The following MAPRE1 variants were observed in gnomAD, a reference collection of about 807,000 sequenced individuals.
MAPRE1 encodes the protein microtubule associated protein RP/EB family member 1.
A neutral mutation model predicts 32.1 loss-of-function variants in MAPRE1; 5 were observed. That is an observed-to-expected ratio of 0.16 (90% CI 0.08 to 0.33). The LOEUF is 0.33. MAPRE1 is among the 10% of genes least tolerant of loss of function. MAPRE1 has a pLI of 1.00. For missense variants in MAPRE1, 209 were observed against 327.2 expected, an observed-to-expected ratio of 0.64 and a Z score of 2.79; for synonymous variants, 122 against 118.9, an observed-to-expected ratio of 1.03 and a Z score of -0.17.
chr20:32,846,796 T>A, intron 6 of MAPRE1, 26 bp downstream of exon 6: 1 of 1,611,748 alleles, frequency 6.2e-7, no homozygotes, highest in Non-Finnish European at 8.5e-7. Context: ...GAGGATATTT[T>A]CTTTCCATTT....
At chr20:32,846,044 C>T (rs1243174866) in intron 5 of MAPRE1, among the ~76,000 whole-genome samples, 1 of 152,202 alleles carries the variant, frequency 6.6e-6, no homozygotes, top group African/African-American at 2.4e-5. Flanking sequence ...TTAAAGTACA[C>T]ACAGGACTAT....
At chr20:32,843,029 G>A (rs916980682) in intron 5 of MAPRE1, 1 of 152,194 alleles carries the variant, frequency 6.6e-6, no homozygotes, top group African/African-American at 2.4e-5. Context: ...GAGGCTGAAG[G>A]TCACTAACCA....
At chr20:32,839,678 TTTTG>T (rs150424676) in intron 4 of MAPRE1, 53 bp from the exon 5 acceptor site, 276,865 of 1,600,426 alleles carry the variant, frequency 0.17, 26,091 homozygotes, top group East Asian at 0.36. Flanking sequence ...CTTGTGGATT[TTTTG>T]TTTGTTTGGG....
chr20:32,830,038 T>C (rs1982974527), intron 2 of MAPRE1, among the ~76,000 whole-genome samples: 4 of 152,166 alleles, frequency 2.6e-5, no homozygotes, highest in Non-Finnish European at 4.4e-5. Context: ...TTCAGGCCCC[T>C]CTGCATTTTC....
At chr20:32,832,308 C>G (rs1983051641) in intron 2 of MAPRE1, among the ~76,000 whole-genome samples, 1 of 152,032 alleles carries the variant, frequency 6.6e-6, no homozygotes, top group Non-Finnish European at 1.5e-5. Context: ...ACAGTGAAGC[C>G]TGCTGTGAAT....
chr20:32,825,178 C>G (rs1449244085), intron 1 of MAPRE1, among the ~76,000 whole-genome samples: 1 of 146,232 alleles, frequency 6.8e-6, no homozygotes, highest in South Asian at 2.2e-4. Context: ...AAGAAACAAA[C>G]AAACAAAAAA....
chr20:32,839,542 T>C (rs1422937107), intron 4 of MAPRE1, among the ~76,000 whole-genome samples, 193 bp from the exon 5 acceptor site: 1 of 152,192 alleles, frequency 6.6e-6, no homozygotes, highest in Non-Finnish European at 1.5e-5. Flanking sequence ...TTAACTCTGC[T>C]GCCAGGATAG....
At chr20:32,834,204 C>T (rs1983121007) in intron 3 of MAPRE1, among the ~76,000 whole-genome samples, 1 of 152,138 alleles carries the variant, frequency 6.6e-6, no homozygotes, top group Non-Finnish European at 1.5e-5. Context: ...TAAAAGCATA[C>T]TGTATGTAGA....
chr20:32,846,395 A>C (rs1983505700), intron 5 of MAPRE1, among the ~76,000 whole-genome samples: 1 of 152,154 alleles, frequency 6.6e-6, no homozygotes, highest in African/African-American at 2.4e-5. Flanking sequence ...TACATGTTTC[A>C]AGGGGTAGTC....
At chr20:32,827,894 CAA>C (rs397864779) in intron 2 of MAPRE1, among the ~76,000 whole-genome samples, 1 of 131,930 alleles carries the variant, frequency 7.6e-6, no homozygotes, top group African/African-American at 2.8e-5. Context: ...GGCTCTGTCT[CAA>C]AAAAAAAAAA....
rs757339672 is a variant in MAPRE1, at chr20:32,836,734, A to G, written c.368A>G (p.Asp123Gly). Residue 123 changes from aspartate (D) to glycine (G), a missense_variant, in exon 4 of 7, where the codon GAC becomes GGC. Physicochemically the swap from Asp to Gly is moderately conservative, Grantham distance 94. This residue lies in a region of MAPRE1 where 106 missense variants were observed against 115.3 expected (regional missense o/e 0.92). Coordinates refer to ENST00000375571, the MANE Select transcript of MAPRE1 (RefSeq NM_012325.3). ...KFFDANYDGK[D>G]YDPVAARQGQ... is the part of the protein sequence containing the mutation. ...TTCGATGCAAACTATGATGGAAAAG[A>G]CTATGACCCTGTGGCTGCCAGACAA... 4 of 1,613,838 alleles carry G rather than the reference A, an allele frequency of 2.5e-6. No homozygotes were observed. The highest frequency in any genetic ancestry group is 1.1e-5 in the South Asian group (1 of 91,076).
chr20:32,848,336 TTTC>T lies in MAPRE1; in HGVS notation c.751-330_751-328del, dbSNP rs915626704. ...GCATGAGCCATCACACCTGGCCTTC[TTTC>T]TTCTTTAAAAAACAGTTTTATTGAA... On this transcript the variant is annotated intron_variant, in intron 6 of 6. Transcript: ENST00000375571. Among the ~76,000 whole-genome samples the T allele has an allele frequency of 1.2e-4, 18 of 152,284 alleles. No homozygotes were observed. The East Asian group carries it at 2.7e-3, about 23-fold the overall frequency.
rs1188720600 is a variant in MAPRE1, at chr20:32,820,027, C to G, written c.-5C>G. ...CAGTGGACGCGGTTCTGCCGAGAGC[C>G]GGTGAGCCGGCTAGCGGGCCCGGGG... On this transcript the variant is annotated splice_region_variant and 5_prime_UTR_variant, in exon 1 of 7. Transcript: ENST00000375571. The G allele has an allele frequency of 6.6e-6, 1 of 151,630 alleles. No homozygotes were observed. Among genetic ancestry groups the G allele is most frequent in the Non-Finnish European group, 1.5e-5 (1 of 68,028 alleles). 9.4% of individuals were successfully genotyped at this position (151,630 alleles called of 1,614,324 possible). A position where few individuals can be genotyped will look rare whatever the true frequency, so the allele number is the denominator to read the frequency against.
At chr20:32,820,923 TGTTA>T (rs1466485506) in intron 1 of MAPRE1, among the ~76,000 whole-genome samples, 1 of 152,206 alleles carries the variant, frequency 6.6e-6, no homozygotes, top group Non-Finnish European at 1.5e-5. Context: ...AGCAGCTCTT[TGTTA>T]GTTGGGCACT....
Position 32,849,209 on chromosome 20 carries a change from G to A in MAPRE1, c.*481G>A, listed in dbSNP as rs1466436665. On this transcript the variant is annotated 3_prime_UTR_variant, in exon 7 of 7. Coordinates refer to ENST00000375571, the MANE Select transcript of MAPRE1 (RefSeq NM_012325.3). ...AGATTTTGCGTTTGACATTGTGTCT[G>A]GGAAGGAAGGGCCAGACCTTGGAAC... is the stretch of plus-strand genomic sequence containing the variant. 1 of 153,222 alleles carries A rather than the reference G, an allele frequency of 6.5e-6. No homozygotes were observed. The highest frequency in any genetic ancestry group is 2.4e-5 in the African/African-American group (1 of 41,448). The allele number at this position is 153,222 out of a possible 1,614,324, so 9.5% of individuals were successfully genotyped here. A position where few individuals can be genotyped will look rare whatever the true frequency, so the allele number is the denominator to read the frequency against.
chr20:32,846,564 A>G (rs1983510694), intron 5 of MAPRE1, 54 bp from the exon 6 acceptor site: 3 of 1,571,434 alleles, frequency 1.9e-6, no homozygotes, highest in East Asian at 2.2e-5. Context: ...TCTGCCTGAT[A>G]TTTTATTGCC....
At chr20:32,842,364 C>T (rs752068232) in intron 5 of MAPRE1, among the ~76,000 whole-genome samples, 16 of 152,210 alleles carry the variant, frequency 1.1e-4, no homozygotes, top group Non-Finnish European at 2.2e-4. Context: ...GCATTACAGG[C>T]GTGAGCCACA....
At chr20:32,840,752 A>G (rs1983335237) in intron 5 of MAPRE1, among the ~76,000 whole-genome samples, 1 of 152,216 alleles carries the variant, frequency 6.6e-6, no homozygotes. Flanking sequence ...CATGACCCAC[A>G]CTCAGACTTC....
intron 5 of MAPRE1, among the ~76,000 whole-genome samples, chr20:32,845,606 G>T (rs964367895): frequency 2.0e-5 from 3 of 152,172 alleles, no homozygotes; most frequent in Admixed American, 1.3e-4. Context: ...TCATCAGGCT[G>T]TGGGGAAGCT....
Sources: allele counts gnomAD v4.1 joint callset (sites outside exome capture counted in the v4.1 genomes callset), GRCh38; gene constraint gnomAD v4.1.1; regional missense constraint gnomAD v4.1.1; transcripts MANE v1.5; gene names NCBI Gene and HGNC (gene_info 2026-07-23, HGNC 2026-07-21).